Variants in ARHGAP12 observed in about 807,000 individuals in gnomAD.
ARHGAP12 encodes the protein rho GTPase-activating protein 12.
Under a neutral mutation model 108.6 loss-of-function variants are expected in ARHGAP12, and 64 were observed. The ratio of observed to expected loss-of-function variants is 0.59; its 90% CI spans 0.48 to 0.73. The LOEUF is 0.73. Among genes scored for constraint, ARHGAP12 ranks in the 30% least tolerant of loss-of-function variants. The pLI, the probability that ARHGAP12 is intolerant of heterozygous loss-of-function variation, is 0.00. For synonymous variants in ARHGAP12, 312 were observed against 337.2 expected (o/e 0.93, Z 0.82); for missense variants, 940 against 1,005.9 (o/e 0.93, Z 0.89).
At chr10:31,858,601 T>C (rs1048029516) in intron 4 of ARHGAP12, among the ~76,000 whole-genome samples, 1 of 152,002 alleles carries the variant, frequency 6.6e-6, no homozygotes. Context: ...CAGTAGCACG[T>C]CTCCCATTGT....
intron 3 of ARHGAP12, among the ~76,000 whole-genome samples, chr10:31,905,008 G>C (rs1839070043): frequency 6.6e-6 from 1 of 152,084 alleles, no homozygotes; most frequent in African/African-American, 2.4e-5. Context: ...CTGATCAGTA[G>C]TGATGTAAGT....
intron 1 of ARHGAP12, among the ~76,000 whole-genome samples, chr10:31,918,937 A>C (rs1341452295): frequency 6.6e-6 from 1 of 152,250 alleles, no homozygotes; most frequent in Non-Finnish European, 1.5e-5. Context: ...TTGTATATCC[A>C]TGTTCACAGC....
rs533175767 is a variant in ARHGAP12 at position 31,809,326 on chromosome 10, TTGTG to T, written c.2051-23_2051-20del. 3.8e-5 allele frequency: 61 copies of T among 1,607,272 alleles called. No homozygotes were observed. The highest frequency in any genetic ancestry group is 5.2e-5 in the Non-Finnish European group (61 of 1,174,268). ...TCCAAACCTAAGAGACAATAATAATTTGTGTGTGTGTGTGTTTAAAGTACTTCTT... is the reference window on the plus strand; with the variant it reads ...TCCAAACCTAAGAGACAATAATAATTTGTGTGTGTGTTTAAAGTACTTCTT... On this transcript the variant is annotated intron_variant, in intron 16 of 19. Coordinates refer to ENST00000344936, the MANE Select transcript of ARHGAP12 (RefSeq NM_018287.7).
At chr10:31,840,355 GTTTTT>G (rs35517549) in intron 7 of ARHGAP12, among the ~76,000 whole-genome samples, 1 of 148,192 alleles carries the variant, frequency 6.7e-6, no homozygotes, top group Non-Finnish European at 1.5e-5. Flanking sequence ...CCAATAACGT[GTTTTT>G]TTTTTAAGCA....
chr10:31,854,475 G>C (rs1478891716), intron 4 of ARHGAP12, among the ~76,000 whole-genome samples: 1 of 152,118 alleles, frequency 6.6e-6, no homozygotes, highest in African/African-American at 2.4e-5. Context: ...AGACCAAGGA[G>C]AGCTCGAATG....
chr10:31,835,495 T>C (rs1176413770), intron 9 of ARHGAP12, among the ~76,000 whole-genome samples: 2 of 152,174 alleles, frequency 1.3e-5, no homozygotes, highest in Admixed American at 1.3e-4. Flanking sequence ...TCTATCCTAA[T>C]AGGCAAGAAA....
intron 4 of ARHGAP12, among the ~76,000 whole-genome samples, chr10:31,856,488 T>C (rs1412493320): frequency 6.6e-6 from 1 of 152,078 alleles, no homozygotes; most frequent in African/African-American, 2.4e-5. Context: ...TATTCCACAC[T>C]AGGAACATCA....
intron 3 of ARHGAP12, among the ~76,000 whole-genome samples, chr10:31,880,709 A>G (rs1278795281): frequency 6.6e-6 from 1 of 152,068 alleles, no homozygotes. Flanking sequence ...TCAGGTCAAC[A>G]ATTGTATTTC....
chr10:31,823,080 A>G lies in ARHGAP12; in HGVS notation c.1531-2592T>C, dbSNP rs1835475034. ...ATGAATAATAACTGAAAAGAAGCAC[A>G]ACATATGTCATGTCACACTGAACCT... On this transcript the variant is annotated intron_variant, in intron 11 of 19. Transcript: ENST00000344936. 5.9e-5 allele frequency among the ~76,000 whole-genome samples: 9 copies of G among 152,330 alleles called. No homozygotes were observed. The South Asian group carries it at 1.9e-3, about 32-fold the overall frequency.
At chr10:31,839,361 T>G (rs1211124288) in intron 8 of ARHGAP12, 42 bp from the exon 9 acceptor site, 1 of 1,569,928 alleles carries the variant, frequency 6.4e-7, no homozygotes, top group Non-Finnish European at 8.7e-7. Flanking sequence ...TAGTATTGTC[T>G]GGGAATTTTA....
At chr10:31,873,893 A>G (rs901548349) in intron 3 of ARHGAP12, among the ~76,000 whole-genome samples, 2 of 152,240 alleles carry the variant, frequency 1.3e-5, no homozygotes, top group African/African-American at 4.8e-5. Flanking sequence ...TGAGATAGTA[A>G]GACTTAGTTA....
intron 1 of ARHGAP12, among the ~76,000 whole-genome samples, chr10:31,912,958 C>T (rs1408940661): frequency 6.6e-6 from 1 of 152,122 alleles, no homozygotes; most frequent in African/African-American, 2.4e-5. Flanking sequence ...AATATTTTCT[C>T]CCATTATATA....
intron 3 of ARHGAP12, among the ~76,000 whole-genome samples, chr10:31,884,504 A>G (rs1271917613): frequency 6.6e-6 from 1 of 152,198 alleles, no homozygotes; most frequent in Non-Finnish European, 1.5e-5. Context: ...TATTGTGAAC[A>G]TTCTTCTCAG....
chr10:31,917,911 A>G (rs918512942), intron 1 of ARHGAP12, among the ~76,000 whole-genome samples: 2 of 152,140 alleles, frequency 1.3e-5, no homozygotes, highest in African/African-American at 4.8e-5. Context: ...TTCCAGTTAC[A>G]ATTTCCTGAC....
At chr10:31,887,661 G>GTTTTT (rs574894424) in intron 3 of ARHGAP12, among the ~76,000 whole-genome samples, 1 of 130,406 alleles carries the variant, frequency 7.7e-6, no homozygotes. Flanking sequence ...TTTTTTTTTT[G>GTTTTT]TTTTTTTTTT....
chr10:31,862,709 C>CACACAG (rs1554781374), intron 3 of ARHGAP12, among the ~76,000 whole-genome samples: 24 of 40,514 alleles, frequency 5.9e-4, no homozygotes, highest in African/African-American at 2.9e-3. Context: ...CACACAGACA[C>CACACAG]ACACACACAC....
chr10:31,916,362 TTA>T (rs1450379781), intron 1 of ARHGAP12, among the ~76,000 whole-genome samples: 1 of 152,136 alleles, frequency 6.6e-6, no homozygotes, highest in East Asian at 1.9e-4. Flanking sequence ...ACACGCCTGC[TTA>T]TATATTTTAC....
chr10:31,828,504 T>C (rs1230449846), intron 10 of ARHGAP12, among the ~76,000 whole-genome samples: 3 of 152,190 alleles, frequency 2.0e-5, no homozygotes, highest in Non-Finnish European at 2.9e-5. Flanking sequence ...CTCCCTACTA[T>C]GAAAAATACT....
At chr10:31,893,034 G>T (rs1238774000) in intron 3 of ARHGAP12, among the ~76,000 whole-genome samples, 2 of 152,272 alleles carry the variant, frequency 1.3e-5, no homozygotes, top group South Asian at 4.1e-4. Flanking sequence ...CAGAAATAAA[G>T]ATGTTCTTTG....
Sources: gnomAD v4.1 joint callset for allele counts (sites outside exome capture counted in the v4.1 genomes callset) on GRCh38, gnomAD v4.1.1 for gene constraint, MANE v1.5 for transcripts, NCBI Gene and HGNC (gene_info 2026-07-23, HGNC 2026-07-21) for gene names.